Variants in EFCAB7 observed in about 807,000 individuals in gnomAD.
The protein encoded by EFCAB7 is EF-hand calcium binding domain 7.
EFCAB7 carries 66 observed loss-of-function variants against 77.1 expected under a neutral mutation model. That is an observed-to-expected ratio of 0.86 (90% confidence interval 0.70 to 1.05). The LOEUF is 1.05. Ranked by LOEUF, EFCAB7 falls within the 50% of genes least tolerant of loss-of-function variation. The pLI, the probability that EFCAB7 is intolerant of heterozygous loss-of-function variation, is 0.00. For synonymous variants in EFCAB7, 225 were observed against 243.3 expected (o/e 0.92, Z 0.70); for missense variants, 638 against 730.5 (o/e 0.87, Z 1.46).
At chr1:63,526,913 C>T (rs1314695218) in intron 2 of EFCAB7, among the ~76,000 whole-genome samples, 2 of 152,098 alleles carry the variant, frequency 1.3e-5, no homozygotes, top group Admixed American at 6.6e-5. Flanking sequence ...TACAGTTGCA[C>T]GCCACCATGC....
chr1:63,552,798 TAA>T (rs1262645093), intron 8 of EFCAB7, among the ~76,000 whole-genome samples: 1 of 152,216 alleles, frequency 6.6e-6, no homozygotes, highest in Non-Finnish European at 1.5e-5. Context: ...GAATGTTATA[TAA>T]AAGTCTTTTT....
At chr1:63,534,353 G>C in intron 6 of EFCAB7, 137 bp downstream of exon 6, 2 of 624,412 alleles carry the variant, frequency 3.2e-6, no homozygotes, top group Non-Finnish European at 5.2e-6. Flanking sequence ...ATTTCTACCT[G>C]TAAGCTAGTG....
At chr1:63,579,653 C>T in the EFCAB7 span, among the ~76,000 whole-genome samples, 3 of 152,188 alleles carry the variant, frequency 2.0e-5, no homozygotes, top group Admixed American at 6.5e-5. Context: ...TACCATTTTG[C>T]ACTTCCAGCA....
intron 3 of EFCAB7, 111 bp downstream of exon 3, chr1:63,532,142 A>T: frequency 1.3e-6 from 1 of 754,056 alleles, no homozygotes; most frequent in East Asian, 2.7e-5. Flanking sequence ...GAGAGGTTAA[A>T]TGAATTACTT....
chr1:63,556,876 A>C (rs948313824), intron 9 of EFCAB7, among the ~76,000 whole-genome samples: 8 of 149,868 alleles, frequency 5.3e-5, no homozygotes, highest in African/African-American at 2.0e-4. Flanking sequence ...AAAAATACAA[A>C]AAAAAAAAAA....
intron 8 of EFCAB7, among the ~76,000 whole-genome samples, chr1:63,552,542 T>C (rs1457411709): frequency 2.0e-5 from 3 of 152,166 alleles, no homozygotes; most frequent in Admixed American, 6.5e-5. Flanking sequence ...CAAAAATAGA[T>C]TGATATGAAA....
intron 5 of EFCAB7, 38 bp downstream of exon 5, chr1:63,533,687 A>G (rs757073494): frequency 1.4e-6 from 2 of 1,427,676 alleles, no homozygotes; most frequent in Non-Finnish European, 1.9e-6. Flanking sequence ...TTGATCAGAA[A>G]TGAAGAGTCA....
chr1:63,568,280 G>T, intron 11 of EFCAB7, 30 bp from the exon 12 acceptor site: 1 of 1,531,584 alleles, frequency 6.5e-7, no homozygotes, highest in Non-Finnish European at 8.9e-7. Flanking sequence ...TCTATCAAAA[G>T]GCTGAAACAA....
the EFCAB7 span, among the ~76,000 whole-genome samples, chr1:63,582,914 G>A: frequency 0.02 from 2,977 of 152,258 alleles, 93 homozygotes; most frequent in African/African-American, 0.068. Context: ...CATGCAAAAG[G>A]AAGTTTAAGG....
intron 10 of EFCAB7, among the ~76,000 whole-genome samples, chr1:63,560,580 G>A (rs1647085921): frequency 7.2e-6 from 1 of 138,264 alleles, no homozygotes; most frequent in Non-Finnish European, 1.5e-5. Context: ...ACAGTGGCAC[G>A]ATCTCAGCTC....
intron 6 of EFCAB7, among the ~76,000 whole-genome samples, chr1:63,538,717 T>C (rs138169654): frequency 0.013 from 1,931 of 152,250 alleles, 45 homozygotes; most frequent in African/African-American, 0.044. Flanking sequence ...CCCAAAGTGC[T>C]GGGGATTACA....
intron 2 of EFCAB7, chr1:63,528,030 A>C (rs762786955): frequency 6.6e-6 from 1 of 152,212 alleles, no homozygotes; most frequent in East Asian, 1.9e-4. Context: ...AGGCTTCTCA[A>C]AAAACTAAAA....
intron 6 of EFCAB7, among the ~76,000 whole-genome samples, chr1:63,537,369 A>G (rs1030211399): frequency 6.6e-6 from 1 of 152,208 alleles, no homozygotes; most frequent in Non-Finnish European, 1.5e-5. Context: ...TTTTATTCAT[A>G]TATAGTACAA....
intron 8 of EFCAB7, 139 bp downstream of exon 8, chr1:63,551,973 GATATT>G (rs1239641257): frequency 3.5e-6 from 1 of 288,692 alleles, no homozygotes; most frequent in African/African-American, 2.2e-5. Flanking sequence ...AAACACTATA[GATATT>G]ATATGTTTTT....
At position 63,568,334 on chromosome 1, in the gene EFCAB7, T is replaced by C. The variant is rs1479387763; in HGVS notation, c.1522T>C (p.Tyr508His). The change falls in exon 12 of 14, where the codon TAT becomes CAT. Residue 508 changes from tyrosine to histidine, a missense_variant. Transcript: ENST00000371088. ...GGCATGTCCATTTGTCATTGATATC[T>C]ATGCAGAAAAATGCAAGCCAAAAAT... ...TEACPFVIDI[Y>H]AEKCKPKIKA... 6.2e-7 allele frequency: 1 copy of C among 1,603,474 alleles called. No homozygotes were observed. Among genetic ancestry groups the C allele is most frequent in the South Asian group, 1.1e-5 (1 of 88,434 alleles).
At chr1:63,553,421 C>T (rs968851917) in intron 8 of EFCAB7, among the ~76,000 whole-genome samples, 3 of 151,978 alleles carry the variant, frequency 2.0e-5, no homozygotes, top group Non-Finnish European at 4.4e-5. Flanking sequence ...CTCACTGCAA[C>T]CTCCGCCTCC....
In EFCAB7 at chr1:63,546,038, A is replaced by C. The variant is rs1330723038; in HGVS notation, c.927A>C (p.Leu309Phe). ...TGGTTTATCTAACAATTAAGCCATT[A>C]AACCTGAGTCAAGTTGAAGGCAAGT... ...RSMVYLTIKP[L>F]NLSQVEGKPS... Residue 309 changes from leucine (L) to phenylalanine (F), a missense_variant, in exon 7 of 14, where the codon TTA (leucine) becomes TTC (phenylalanine). By Grantham distance (22) the Leu-to-Phe change is conservative (BLOSUM62 0). Coordinates refer to ENST00000371088, the MANE Select transcript of EFCAB7 (RefSeq NM_032437.4). 3.1e-6 allele frequency: 5 copies of C among 1,610,594 alleles called. No individual in the cohort carries two copies. The African/African-American group carries it at 4.0e-5, about 13-fold the overall frequency.
intron 11 of EFCAB7, among the ~76,000 whole-genome samples, chr1:63,568,078 T>TA (rs1372397271): frequency 6.6e-6 from 1 of 152,192 alleles, no homozygotes; most frequent in Admixed American, 6.5e-5. Flanking sequence ...ACTGATTTGC[T>TA]AGAGGTTATT....
At chr1:63,531,733 T>C (rs1236830343) in intron 2 of EFCAB7, 87 bp from the exon 3 acceptor site, 7 of 1,092,642 alleles carry the variant, frequency 6.4e-6, no homozygotes, top group Admixed American at 2.2e-5. Flanking sequence ...GTAAATATCA[T>C]AATACATAAT....
Sources: gnomAD v4.1 joint callset for allele counts (sites outside exome capture counted in the v4.1 genomes callset) on GRCh38, gnomAD v4.1.1 for gene constraint, MANE v1.5 for transcripts, NCBI Gene and HGNC (gene_info 2026-07-23, HGNC 2026-07-21) for gene names.